The following SEC61A1 variants were observed in gnomAD, a reference collection of about 807,000 sequenced individuals.
SEC61A1 encodes the protein protein transport protein Sec61 subunit alpha isoform 1.
In SEC61A1, 15 loss-of-function variants were observed where a neutral mutation model predicts 55.2. The observed-to-expected ratio is 0.27, with a 90% CI of 0.18 to 0.42. SEC61A1 has a LOEUF of 0.42. SEC61A1 is among the 10% of genes least tolerant of loss of function. SEC61A1 has a pLI of 1.00. For synonymous variants in SEC61A1, 247 were observed against 234.0 expected, an observed-to-expected ratio of 1.06 and a Z score of -0.51; for missense variants, 284 against 602.6, an observed-to-expected ratio of 0.47 and a Z score of 5.53.
In SEC61A1 at chr3:128,060,461, C is replaced by A. The variant is rs777946332; in HGVS notation, c.463-47C>A. ...CAATTACTGAAGGACGGAACCATGT[C>A]CGTGGGGAGCAGTAACACATAGTCT... On this transcript the variant is annotated intron_variant, in intron 6 of 11. Coordinates refer to ENST00000243253, the MANE Select transcript of SEC61A1 (RefSeq NM_013336.4). The A allele has an allele frequency of 1.6e-5, 25 of 1,596,198 alleles. No homozygotes were observed. In the South Asian group the frequency reaches 2.7e-4, roughly 17 times the overall value.
At chr3:128,058,161 T>C (rs943130107) in intron 5 of SEC61A1, among the ~76,000 whole-genome samples, 7 of 151,926 alleles carry the variant, frequency 4.6e-5, no homozygotes, top group Non-Finnish European at 1.0e-4. Context: ...TTTACAGGTC[T>C]TAAATTAGTA....
chr3:128,051,903 G>A (rs1429869487), upstream of SEC61A1: 2 of 1,535,916 alleles, frequency 1.3e-6, no homozygotes, highest in South Asian at 1.2e-5. Context: ...AGACAGCGAG[G>A]GTGCTCGGTA....
chr3:128,052,494 C>T lies in SEC61A1; in HGVS notation c.-59C>T. On this transcript the variant is annotated 5_prime_UTR_variant, in exon 1 of 12. Coordinates refer to ENST00000243253, the MANE Select transcript of SEC61A1 (RefSeq NM_013336.4). ...GAACGCGCTGGGCCGCGGGCAGCGT[C>T]GCCTCACGCGGAGCAGAGCTGAGCT... 1 of 1,569,276 alleles carries T rather than the reference C, an allele frequency of 6.4e-7. No homozygotes were observed. The highest frequency in any genetic ancestry group is 8.6e-7 in the Non-Finnish European group (1 of 1,158,870).
Position 128,060,937 on chromosome 3 carries a change from A to G in SEC61A1, c.616+276A>G, listed in dbSNP as rs147802101. On this transcript the variant is annotated intron_variant, in intron 7 of 11. Transcript: ENST00000243253. ...GCCTCACTTTTCTTAGCACAGTATA[A>G]GCTTATATTGCAACGATAAAGCAAC... 1.9e-3 allele frequency among the ~76,000 whole-genome samples: 290 copies of G among 152,340 alleles called. 1 individual carries two copies. The highest frequency in any genetic ancestry group is 6.5e-3 in the African/African-American group (270 of 41,568).
intron 5 of SEC61A1, among the ~76,000 whole-genome samples, chr3:128,057,821 T>C (rs1331738212): frequency 1.0e-5 from 1 of 95,968 alleles, no homozygotes; most frequent in African/African-American, 4.2e-5. Flanking sequence ...GATAAAGCCA[T>C]TGCACTCAAA....
At chr3:128,052,402 C>A, upstream of SEC61A1, 1 of 1,216,666 alleles carries the variant, frequency 8.2e-7, no homozygotes, top group Non-Finnish European at 1.0e-6. Flanking sequence ...CCCCGCCCCG[C>A]GCCGCGCCGC....
In SEC61A1 at chr3:128,067,350, G is replaced by T; in HGVS notation, c.976-71G>T. The stretch of plus-strand genomic sequence containing the variant: ...AAAATTGCATTCTTTCATCTGCTCA[G>T]AACTATTTTTGCCTTGATGCTAAAG... On this transcript the variant is annotated intron_variant, in intron 9 of 11. Coordinates refer to ENST00000243253, the MANE Select transcript of SEC61A1 (RefSeq NM_013336.4). This position sits in a 1 kb window ranked among gnomAD's most constrained non-coding sequence, Gnocchi z 4.1. 6.7e-7 allele frequency: 1 copy of T among 1,500,600 alleles called. No individual in the cohort carries two copies. The allele number at this position is 1,500,600 out of a possible 1,614,324, so 93.0% of individuals were successfully genotyped here.
Position 128,067,223 on chromosome 3 carries a change from T to C in SEC61A1, c.975+72T>C, listed in dbSNP as rs145462131. On this transcript the variant is annotated intron_variant, in intron 9 of 11. Transcript: ENST00000243253. This position sits in a 1 kb window ranked among gnomAD's most constrained non-coding sequence, Gnocchi z 4.1. ...GTGGTTTCTATCAGTGTCTTGCTCA[T>C]GAACAGATATTTCATCCAAAGATAT... is the stretch of plus-strand genomic sequence containing the variant. 1.4e-4 allele frequency: 195 copies of C among 1,417,984 alleles called. No homozygotes were observed. The African/African-American group carries it at 2.4e-3, about 18-fold the overall frequency. The allele number at this position is 1,417,984 out of a possible 1,614,324, so 87.8% of individuals were successfully genotyped here.
chr3:128,066,606 TAG>T, intron 8 of SEC61A1: 1 of 263,484 alleles, frequency 3.8e-6, no homozygotes. Context: ...TTATTTTTTG[TAG>T]AGACGGAGTC....
chr3:128,062,171 A>C (rs113535278), intron 7 of SEC61A1, among the ~76,000 whole-genome samples: 3 of 152,212 alleles, frequency 2.0e-5, no homozygotes, highest in Non-Finnish European at 2.9e-5. Context: ...GTGTGTCTAC[A>C]TGTCAGTTGC....
At chr3:128,057,558 A>G (rs1941789597) in intron 5 of SEC61A1, among the ~76,000 whole-genome samples, 1 of 112,720 alleles carries the variant, frequency 8.9e-6, no homozygotes, top group African/African-American at 3.5e-5. Context: ...CAAGTGTTTT[A>G]TAAAAGAATT....
chr3:128,062,559 G>GACATGATGGCCAC (rs1161866251), intron 7 of SEC61A1, among the ~76,000 whole-genome samples: 1 of 152,218 alleles, frequency 6.6e-6, no homozygotes, highest in Non-Finnish European at 1.5e-5. Context: ...GTGAGATGAG[G>GACATGATGGCCAC]ACATGATGGC....
At chr3:128,066,391 TGGG>T (rs1941978749) in intron 8 of SEC61A1, among the ~76,000 whole-genome samples, 1 of 150,574 alleles carries the variant, frequency 6.6e-6, no homozygotes, top group Admixed American at 6.6e-5. Flanking sequence ...AAAAAAAAAG[TGGG>T]GGTGGGGATC....
At chr3:128,064,119 T>G (rs984236304) in intron 7 of SEC61A1, among the ~76,000 whole-genome samples, 1 of 152,164 alleles carries the variant, frequency 6.6e-6, no homozygotes, top group African/African-American at 2.4e-5. Flanking sequence ...GCCTCCCCAC[T>G]CACCAGCCAA....
chr3:128,052,388 C>T, upstream of SEC61A1: 3 of 1,181,102 alleles, frequency 2.5e-6, no homozygotes, highest in Non-Finnish European at 3.2e-6. Context: ...AGGCCCGGCC[C>T]CGGCCCCGCC....
rs558962356 is a variant in SEC61A1 at position 128,065,867 on chromosome 3, G to A, written c.777+830G>A. ...AGCGATTCTCCTGCCTCAGCCTCCC[G>A]AGTAGATGGGATTACAGGTGCCTGT... On this transcript the variant is annotated intron_variant, in intron 8 of 11. Transcript: ENST00000243253. Among the ~76,000 whole-genome samples, 14 of 148,154 alleles carry A rather than the reference G, an allele frequency of 9.4e-5. No homozygotes were observed. In the South Asian group the frequency reaches 2.4e-3, roughly 25 times the overall value.
At chr3:128,054,846 G>A (rs1446090125) in intron 2 of SEC61A1, among the ~76,000 whole-genome samples, 1 of 152,180 alleles carries the variant, frequency 6.6e-6, no homozygotes, top group Non-Finnish European at 1.5e-5. Context: ...TGGGTGGGAG[G>A]TTTTCTAATG....
upstream of SEC61A1, chr3:128,052,406 GCGCCGCGC>G (rs1941698041): frequency 1.6e-6 from 2 of 1,226,324 alleles, no homozygotes; most frequent in African/African-American, 3.2e-5. Flanking sequence ...GCCCCGCGCC[GCGCCGCGC>G]CGCTTGCCGC....
At chr3:128,055,910 T>C (rs1941763211) in intron 4 of SEC61A1, among the ~76,000 whole-genome samples, 159 bp downstream of exon 4, 1 of 152,236 alleles carries the variant, frequency 6.6e-6, no homozygotes, top group Non-Finnish European at 1.5e-5. Flanking sequence ...TATTAAATGC[T>C]GAGTTCAGCA....
Sources: gnomAD v4.1 joint callset for allele counts (sites outside exome capture counted in the v4.1 genomes callset) on GRCh38, gnomAD v4.1.1 for gene constraint, Gnocchi (gnomAD v3.1) non-coding constraint, MANE v1.5 for transcripts, NCBI Gene and HGNC (gene_info 2026-07-23, HGNC 2026-07-21) for gene names.